PCDHAC2: variants seen among roughly 807,000 people sequenced by gnomAD.
PCDHAC2 encodes protocadherin alpha-C2.
In PCDHAC2, 24 loss-of-function variants were observed where a neutral mutation model predicts 63.3. The observed-to-expected ratio is 0.38, with a 90% CI of 0.27 to 0.53. The LOEUF is 0.53. PCDHAC2 is among the 20% of genes least tolerant of loss of function. The pLI is 0.81. For missense variants in PCDHAC2, 1,181 were observed against 1,275.2 expected (o/e 0.93, Z 1.12); for synonymous variants, 569 against 529.4 (o/e 1.07, Z -1.03).
chr5:141,006,290 C>G (rs1465211339), intron 3 of PCDHAC2, among the ~76,000 whole-genome samples: 5 of 152,050 alleles, frequency 3.3e-5, no homozygotes, highest in Non-Finnish European at 5.9e-5. Flanking sequence ...CAGCTCACTG[C>G]AAGCTCCACT....
intron 3 of PCDHAC2, among the ~76,000 whole-genome samples, chr5:141,001,745 T>A (rs2098035193): frequency 6.6e-6 from 1 of 152,200 alleles, no homozygotes; most frequent in Non-Finnish European, 1.5e-5. Flanking sequence ...CTGGGCTGTT[T>A]CAGTGGTTGA....
rs569501434 is a variant in PCDHAC2 at position 140,980,458 on chromosome 5, T to C, written c.2624+1451T>C. Among the ~76,000 whole-genome samples the C allele has an allele frequency of 1.6e-4, 25 of 152,264 alleles. No individual in the cohort carries two copies. The South Asian group carries it at 2.7e-3, about 16-fold the overall frequency. ...CATCCTGGACAACACGGTGAAACCC[T>C]GTCTCTACTAAAAATACAAAAATTA... On this transcript the variant is annotated intron_variant, in intron 2 of 3. Coordinates refer to ENST00000289269, the MANE Select transcript of PCDHAC2 (RefSeq NM_018899.6).
intron 1 of PCDHAC2, among the ~76,000 whole-genome samples, chr5:140,974,406 T>C (rs903349256): frequency 3.9e-5 from 6 of 152,226 alleles, no homozygotes; most frequent in Non-Finnish European, 8.8e-5. Flanking sequence ...GTTCTAAAGT[T>C]ATGTTTATTT....
At chr5:140,991,753 T>C (rs1262588559) in intron 3 of PCDHAC2, among the ~76,000 whole-genome samples, 3 of 152,208 alleles carry the variant, frequency 2.0e-5, no homozygotes, top group Non-Finnish European at 2.9e-5. Flanking sequence ...CTTTCTATCA[T>C]GCTCTTCAAA....
intron 1 of PCDHAC2, among the ~76,000 whole-genome samples, chr5:140,977,970 A>G (rs531494024): frequency 2.0e-5 from 3 of 152,332 alleles, no homozygotes; most frequent in South Asian, 4.1e-4. Context: ...ATCTCCGCCC[A>G]TGAAAACGCA....
chr5:140,979,329 C>T (rs782808442), intron 2 of PCDHAC2, among the ~76,000 whole-genome samples: 3 of 152,162 alleles, frequency 2.0e-5, no homozygotes, highest in Non-Finnish European at 2.9e-5. Flanking sequence ...TTCTTTTCCT[C>T]CTTTAAAAAC....
At chr5:140,995,924 G>T (rs998405229) in intron 3 of PCDHAC2, among the ~76,000 whole-genome samples, 2 of 152,308 alleles carry the variant, frequency 1.3e-5, no homozygotes, top group African/African-American at 4.8e-5. Flanking sequence ...ATAGGCTGTT[G>T]TAAGTATTAA....
Position 140,968,423 on chromosome 5 carries a change from G to A in PCDHAC2, c.1657G>A (p.Asp553Asn), listed in dbSNP as rs782235507. The A allele has an allele frequency of 1.9e-6, 3 of 1,614,028 alleles. No homozygotes were observed. The South Asian group carries it at 3.3e-5, about 18-fold the overall frequency. Residue 553 changes from aspartate (D) to asparagine (N), a missense_variant, in exon 1 of 4, where the codon GAC becomes AAC. By Grantham distance (23) the Asp-to-Asn change is conservative (BLOSUM62 1). Transcript: ENST00000289269. ...GTTCTTTGTGACTGTGGAGGCTCAG[G>A]ACAAGGGGAGCCCACCACTGAGCAG... Reference protein sequence around the residue: ...REFFVTVEAQDKGSPPLSSTV... With the variant: ...REFFVTVEAQNKGSPPLSSTV...
intron 1 of PCDHAC2, among the ~76,000 whole-genome samples, chr5:140,976,505 C>T (rs538128648): frequency 3.3e-5 from 5 of 152,122 alleles, no homozygotes; most frequent in East Asian, 3.9e-4. Flanking sequence ...GAGCCAAGAT[C>T]GCGCCACTGC....
rs2098421437 is a variant in PCDHAC2, at chr5:141,011,660, T to G, written c.*1723T>G. The G allele has an allele frequency of 6.5e-6, 1 of 153,726 alleles. No individual in the cohort carries two copies. Among genetic ancestry groups the G allele is most frequent in the African/African-American group, 2.4e-5 (1 of 41,436 alleles). The allele number at this position is 153,726 out of a possible 1,614,324, so 9.5% of individuals were successfully genotyped here. On this transcript the variant is annotated 3_prime_UTR_variant, in exon 4 of 4. Coordinates refer to ENST00000289269, the MANE Select transcript of PCDHAC2 (RefSeq NM_018899.6). ...GCCAAGACTTCTGCTGGCAAGGGAATGGATAAAGCTGTTTTGTTCTAGTAA... is the reference window on the plus strand; with the variant it reads ...GCCAAGACTTCTGCTGGCAAGGGAAGGGATAAAGCTGTTTTGTTCTAGTAA...
At chr5:140,976,585 C>A (rs1415996919) in intron 1 of PCDHAC2, among the ~76,000 whole-genome samples, 1 of 152,064 alleles carries the variant, frequency 6.6e-6, no homozygotes, top group African/African-American at 2.4e-5. Flanking sequence ...AAAACACAGA[C>A]TTTTGTGTTA....
intron 3 of PCDHAC2, among the ~76,000 whole-genome samples, chr5:141,008,894 A>G (rs782674482): frequency 9.9e-5 from 15 of 152,254 alleles, no homozygotes; most frequent in Non-Finnish European, 1.8e-4. Context: ...TGTTATTACA[A>G]TAAAATTAAG....
intron 3 of PCDHAC2, among the ~76,000 whole-genome samples, chr5:140,999,218 C>T (rs1410560466): frequency 6.6e-6 from 1 of 152,180 alleles, no homozygotes; most frequent in Non-Finnish European, 1.5e-5. Context: ...GGAAGTACTA[C>T]ATTTGAGAAT....
Position 140,967,958 on chromosome 5 carries a change from C to T in PCDHAC2, c.1192C>T (p.Arg398Trp), listed in dbSNP as rs202159883. 9 of 1,614,182 alleles carry T rather than the reference C, an allele frequency of 5.6e-6. No homozygotes were observed. The highest frequency in any genetic ancestry group is 2.2e-5 in the East Asian group (1 of 44,878). Residue 398 changes from arginine (R) to tryptophan (W), a missense_variant, in exon 1 of 4, where the codon CGG (arginine) becomes TGG (tryptophan). By Grantham distance (101) the Arg-to-Trp change is moderately radical (BLOSUM62 -3). This residue lies in a region of PCDHAC2 where 968 missense variants were observed against 1,073.5 expected (regional missense o/e 0.90). Coordinates refer to ENST00000289269, the MANE Select transcript of PCDHAC2 (RefSeq NM_018899.6). ...CAATGACCAAGACTCAGGCCCCAAC[C>T]GGAAAGTGAGCCTGGGTCTGGAGGC... ...SVNDQDSGPN[R>W]KVSLGLEATL...
intron 3 of PCDHAC2, among the ~76,000 whole-genome samples, chr5:141,001,985 G>A (rs536683790): frequency 6.6e-5 from 10 of 152,194 alleles, no homozygotes; most frequent in Non-Finnish European, 1.5e-4. Flanking sequence ...GGAAAGCCTG[G>A]AAGTTCACTT....
rs1030847582 is a variant in PCDHAC2, at chr5:140,968,519, A to C, written c.1753A>C (p.Thr585Pro). ...HAPHILYPTS[T>P]NSSAAFEMVP... Reference sequence around the variant, plus strand: ...CCCTCACATTCTGTACCCTACCTCAACCAACTCGTCAGCAGCCTTCGAGAT... The same window carrying C: ...CCCTCACATTCTGTACCCTACCTCACCCAACTCGTCAGCAGCCTTCGAGAT... The change falls in exon 1 of 4, where the codon ACC becomes CCC. Residue 585 changes from threonine (T) to proline (P), a missense_variant. Transcript: ENST00000289269. 6.2e-7 allele frequency: 1 copy of C among 1,614,008 alleles called. No individual in the cohort carries two copies. The highest frequency in any genetic ancestry group is 1.3e-5 in the African/African-American group (1 of 74,892).
intron 3 of PCDHAC2, among the ~76,000 whole-genome samples, chr5:140,997,970 G>A (rs2097791868): frequency 2.0e-5 from 3 of 152,106 alleles, no homozygotes; most frequent in Admixed American, 2.0e-4. Context: ...ACCTGTGGTT[G>A]GACTGCACTT....
In PCDHAC2 at chr5:140,978,964, C is replaced by A; in HGVS notation, c.2581C>A (p.Pro861Thr). The A allele has an allele frequency of 6.2e-7, 1 of 1,614,122 alleles. No individual in the cohort carries two copies. The highest frequency in any genetic ancestry group is 1.3e-5 in the African/African-American group (1 of 75,040). ...GATTTTGCAGCCACGACAGCCCAAC[C>A]CTGACTGGCGTTACTCTGCCTCCCT... The part of the protein sequence containing the change: ...VSQNEPRQPN[P>T]DWRYSASLRA... Residue 861 changes from proline (P) to threonine (T), a missense_variant, in exon 2 of 4, where the codon CCT becomes ACT. Around this residue, in one of 3 missense-constraint regions of PCDHAC2, gnomAD observed 968 missense variants for 1,073.5 expected, o/e 0.90. Transcript: ENST00000289269.
chr5:140,991,253 C>T (rs912017745), intron 3 of PCDHAC2, among the ~76,000 whole-genome samples: 1 of 152,178 alleles, frequency 6.6e-6, no homozygotes, highest in East Asian at 1.9e-4. Context: ...AGTATTTGAA[C>T]TCATGTCTGC....
Sources: gnomAD v4.1 joint callset for allele counts (sites outside exome capture counted in the v4.1 genomes callset) on GRCh38, gnomAD v4.1.1 for gene constraint, gnomAD v4.1.1 regional missense constraint, MANE v1.5 for transcripts, NCBI Gene and HGNC (gene_info 2026-07-23, HGNC 2026-07-21) for gene names.